ZBTB38: variants seen among roughly 807,000 people sequenced by gnomAD.
ZBTB38 encodes zinc finger and BTB domain-containing protein 38.
ZBTB38 carries 20 observed loss-of-function variants against 76.8 expected under a neutral mutation model. The observed-to-expected ratio is 0.26, with a 90% CI of 0.18 to 0.38. ZBTB38 has a LOEUF of 0.38. Among genes scored for constraint, ZBTB38 ranks in the 10% least tolerant of loss-of-function variants. ZBTB38 has a pLI of 1.00. For missense variants in ZBTB38, 1,082 were observed against 1,482.3 expected, an observed-to-expected ratio of 0.73 and a Z score of 4.43; for synonymous variants, 504 against 544.2, an observed-to-expected ratio of 0.93 and a Z score of 1.03.
chr3:141,421,761 G>A (rs775091990), intron 5 of ZBTB38, among the ~76,000 whole-genome samples: 2 of 152,194 alleles, frequency 1.3e-5, no homozygotes, highest in Non-Finnish European at 2.9e-5. Context: ...GAGTCAGAGT[G>A]CGTGTTCCAC....
At chr3:141,345,244 GCA>G (rs1323630762) in intron 1 of ZBTB38, among the ~76,000 whole-genome samples, 1 of 152,116 alleles carries the variant, frequency 6.6e-6, no homozygotes, top group East Asian at 1.9e-4. Flanking sequence ...GGAAAGGGAG[GCA>G]CAGTGTTCCC....
chr3:141,392,855 G>C (rs910315494), intron 4 of ZBTB38: 1 of 152,202 alleles, frequency 6.6e-6, no homozygotes, highest in African/African-American at 2.4e-5. Flanking sequence ...TCTGCAGAAG[G>C]CTTTCCGGGC....
At chr3:141,426,050 G>A in intron 5 of ZBTB38, 2 of 997,198 alleles carry the variant, frequency 2.0e-6, no homozygotes, top group Non-Finnish European at 2.8e-6. Context: ...ACTTCCTCCT[G>A]TCAAATGATG....
chr3:141,369,615 CCT>C (rs939975391), intron 1 of ZBTB38, among the ~76,000 whole-genome samples: 8 of 152,168 alleles, frequency 5.3e-5, no homozygotes, highest in African/African-American at 7.2e-5. Flanking sequence ...TAAGTCATCC[CCT>C]GAGTCAGCAT....
chr3:141,433,465 A>G (rs955295754), intron 5 of ZBTB38, among the ~76,000 whole-genome samples: 1 of 152,082 alleles, frequency 6.6e-6, no homozygotes, highest in Non-Finnish European at 1.5e-5. Context: ...ACCATATTCA[A>G]CATTTTAAAT....
chr3:141,448,054 A>G lies in ZBTB38; in HGVS notation c.*2078A>G, dbSNP rs949569112. ...TTTGAATTGATAATTAGAATATTGAATAAGCAATCCTATGATCCACTAATT... is the reference window on the plus strand; with the variant it reads ...TTTGAATTGATAATTAGAATATTGAGTAAGCAATCCTATGATCCACTAATT... On this transcript the variant is annotated 3_prime_UTR_variant, in exon 6 of 6. Coordinates refer to ENST00000321464, the MANE Select transcript of ZBTB38 (RefSeq NM_001376113.1). The G allele has an allele frequency of 1.3e-5, 2 of 152,674 alleles. No individual in the cohort carries two copies. Among genetic ancestry groups the G allele is most frequent in the Non-Finnish European group, 2.9e-5 (2 of 68,038 alleles). The allele number at this position is 152,674 out of a possible 1,614,324, so 9.5% of individuals were successfully genotyped here.
At chr3:141,388,120 A>T (rs1345007303) in intron 4 of ZBTB38, 1 of 152,058 alleles carries the variant, frequency 6.6e-6, no homozygotes, top group African/African-American at 2.4e-5. Flanking sequence ...TTAAAAAAAA[A>T]TCATATATAT....
intron 1 of ZBTB38, among the ~76,000 whole-genome samples, chr3:141,328,180 T>C (rs1942732732): frequency 1.3e-5 from 2 of 152,200 alleles, no homozygotes; most frequent in African/African-American, 2.4e-5. Context: ...GTCTCCTTCA[T>C]GGACTTCTCT....
At chr3:141,387,391 T>A (rs2149263751) in intron 4 of ZBTB38, 1 of 152,362 alleles carries the variant, frequency 6.6e-6, no homozygotes, top group South Asian at 2.1e-4. Flanking sequence ...TATTGTTAAT[T>A]AATGTGAATA....
At chr3:141,374,286 A>G (rs957971043) in intron 2 of ZBTB38, among the ~76,000 whole-genome samples, 1 of 152,110 alleles carries the variant, frequency 6.6e-6, no homozygotes, top group African/African-American at 2.4e-5. Flanking sequence ...AGCATGTTTG[A>G]TTGTAGGCCA....
intron 5 of ZBTB38, among the ~76,000 whole-genome samples, chr3:141,423,914 A>G (rs2075906014): frequency 6.6e-6 from 1 of 152,240 alleles, no homozygotes; most frequent in South Asian, 2.1e-4. Flanking sequence ...GCATCAAGAG[A>G]AAGGAGCAGA....
chr3:141,404,522 C>G (rs574302556), intron 5 of ZBTB38, among the ~76,000 whole-genome samples: 7 of 152,288 alleles, frequency 4.6e-5, no homozygotes, highest in South Asian at 2.1e-4. Flanking sequence ...GGGACACTTG[C>G]AGCTGTCGCA....
At chr3:141,324,490 A>C (rs1387066339) in intron 1 of ZBTB38, 1 of 152,218 alleles carries the variant, frequency 6.6e-6, no homozygotes, top group Non-Finnish European at 1.5e-5. Context: ...ACTTAGTGAA[A>C]GCTCTCTATG....
At chr3:141,362,867 G>A (rs766592099) in intron 1 of ZBTB38, among the ~76,000 whole-genome samples, 161 of 152,078 alleles carry the variant, frequency 1.1e-3, no homozygotes, top group Non-Finnish European at 1.3e-3. Context: ...GACTAGACTG[G>A]GTTTCTTGGG....
chr3:141,332,689 G>C (rs1306371579), intron 1 of ZBTB38, among the ~76,000 whole-genome samples: 2 of 152,178 alleles, frequency 1.3e-5, no homozygotes, highest in Non-Finnish European at 2.9e-5. Context: ...TTGGCTTCTA[G>C]AAGAGCCTGC....
chr3:141,433,728 T>C (rs2150608339), intron 5 of ZBTB38, among the ~76,000 whole-genome samples: 1 of 152,386 alleles, frequency 6.6e-6, no homozygotes, highest in Non-Finnish European at 1.5e-5. Context: ...TTTTCATCTC[T>C]GCTCCTGCCT....
chr3:141,442,844 G>A lies in ZBTB38; in HGVS notation c.456G>A (p.Arg152=). 1 of 1,614,170 alleles carries A rather than the reference G, an allele frequency of 6.2e-7. No individual in the cohort carries two copies. The highest frequency in any genetic ancestry group is 1.6e-4 in the Middle Eastern group (1 of 6,062). Residue 152 remains arginine (R), a synonymous_variant, in exon 6 of 6, where the codon AGG becomes AGA. Coordinates refer to ENST00000321464, the MANE Select transcript of ZBTB38 (RefSeq NM_001376113.1). The surrounding 1 kb of genome is among the most constrained non-coding windows in gnomAD (Gnocchi z 6.4). ...TTAAAGAAGAAAAAAATGAAAAAAG[G>A]CATGAAGAACCAGCCATCACTAATG... The part of the protein sequence containing the change: ...GVVKEEKNEK[R]HEEPAITNGP...
At chr3:141,377,324 A>G (rs1449917686) in intron 2 of ZBTB38, among the ~76,000 whole-genome samples, 2 of 152,268 alleles carry the variant, frequency 1.3e-5, no homozygotes, top group Non-Finnish European at 2.9e-5. Flanking sequence ...TGGAGCAATG[A>G]GAGACATCTG....
At chr3:141,348,173 C>T (rs1245340440) in intron 1 of ZBTB38, among the ~76,000 whole-genome samples, 1 of 152,232 alleles carries the variant, frequency 6.6e-6, no homozygotes. Context: ...TTGTGAATTC[C>T]ACCATCTTGA....
Sources: gnomAD v4.1 joint callset for allele counts (sites outside exome capture counted in the v4.1 genomes callset) on GRCh38, gnomAD v4.1.1 for gene constraint, Gnocchi (gnomAD v3.1) non-coding constraint, MANE v1.5 for transcripts, NCBI Gene and HGNC (gene_info 2026-07-23, HGNC 2026-07-21) for gene names.